LRP1B: variants seen among roughly 807,000 people sequenced by gnomAD.
The protein encoded by LRP1B is LDL receptor related protein 1B.
LRP1B carries 217 observed loss-of-function variants against 556.6 expected under a neutral mutation model. That is an observed-to-expected ratio of 0.39 (90% CI 0.35 to 0.44). LRP1B has a LOEUF of 0.44. LRP1B is among the 20% of genes least tolerant of loss of function. The pLI, the probability that LRP1B is intolerant of heterozygous loss-of-function variation, is 1.00. For missense variants in LRP1B, 5,053 were observed against 5,620.8 expected (o/e 0.90, Z 3.23); for synonymous variants, 2,047 against 1,865.8 (o/e 1.10, Z -2.50).
chr2:141,025,286 A>T (rs1300864772), intron 11 of LRP1B, among the ~76,000 whole-genome samples: 1 of 152,048 alleles, frequency 6.6e-6, no homozygotes, highest in African/African-American at 2.4e-5. Flanking sequence ...ATATGAACAC[A>T]AATAATAATT....
intron 18 of LRP1B, among the ~76,000 whole-genome samples, chr2:140,962,001 T>C (rs932289777): frequency 2.0e-5 from 3 of 152,206 alleles, no homozygotes; most frequent in Non-Finnish European, 4.4e-5. Flanking sequence ...TACTATCTAC[T>C]ATTTTTTGTT....
At chr2:141,365,536 A>G (rs1196123900) in intron 3 of LRP1B, among the ~76,000 whole-genome samples, 2 of 150,802 alleles carry the variant, frequency 1.3e-5, no homozygotes, top group Non-Finnish European at 2.9e-5. Flanking sequence ...ACAGCACATG[A>G]TCAATCTTTA....
At chr2:141,423,562 C>T (rs1680234057) in intron 3 of LRP1B, among the ~76,000 whole-genome samples, 1 of 151,968 alleles carries the variant, frequency 6.6e-6, no homozygotes, top group Admixed American at 6.6e-5. Flanking sequence ...ACCTTAGCTG[C>T]CATAGATGAA....
intron 2 of LRP1B, among the ~76,000 whole-genome samples, chr2:141,755,000 A>G (rs1037064326): frequency 4.0e-5 from 6 of 151,856 alleles, no homozygotes; most frequent in Non-Finnish European, 8.8e-5. Context: ...CTATCCTCTT[A>G]TATATATATA....
chr2:141,856,317 AG>A (rs1698049014), intron 1 of LRP1B, among the ~76,000 whole-genome samples: 2 of 152,176 alleles, frequency 1.3e-5, no homozygotes, highest in Admixed American at 1.3e-4. Context: ...AGCGTTTTAA[AG>A]TATAGCTGGA....
At chr2:140,260,792 T>A (rs6717281) in intron 86 of LRP1B, among the ~76,000 whole-genome samples, 50,271 of 151,686 alleles carry the variant, frequency 0.33, 8,859 homozygotes, top group African/African-American at 0.44. Flanking sequence ...AAATTCCATA[T>A]CCCTCTTTTC....
chr2:141,791,973 T>C (rs908921341), intron 2 of LRP1B, among the ~76,000 whole-genome samples: 1 of 151,952 alleles, frequency 6.6e-6, no homozygotes, highest in African/African-American at 2.4e-5. Flanking sequence ...TTAACTTCGG[T>C]AAGTGCACGT....
At chr2:140,878,449 C>T (rs983827903) in intron 25 of LRP1B, among the ~76,000 whole-genome samples, 4 of 151,704 alleles carry the variant, frequency 2.6e-5, no homozygotes, top group African/African-American at 7.3e-5. Flanking sequence ...GAAAATGGAA[C>T]AAAGGTTAAT....
chr2:141,383,323 T>C (rs1215722031), intron 3 of LRP1B, among the ~76,000 whole-genome samples: 1 of 151,960 alleles, frequency 6.6e-6, no homozygotes, highest in African/African-American at 2.4e-5. Flanking sequence ...AAATAAAAAA[T>C]AAAACTACCA....
intron 1 of LRP1B, among the ~76,000 whole-genome samples, chr2:141,966,239 C>G (rs1372811864): frequency 6.6e-6 from 1 of 151,816 alleles, no homozygotes; most frequent in Admixed American, 6.6e-5. Context: ...AAGAGGGAAA[C>G]TAGAGAGTCG....
Position 140,811,334 on chromosome 2 carries a change from T to C in LRP1B, c.5359+2323A>G, listed in dbSNP as rs1352175395. Reference sequence around the variant, plus strand: ...ATACCTGCTCCATTTTTTGATACTATATTTACAGCATTGAGCTCTGTTAGT... The same window carrying C: ...ATACCTGCTCCATTTTTTGATACTACATTTACAGCATTGAGCTCTGTTAGT... On this transcript the variant is annotated intron_variant, in intron 32 of 90. Transcript: ENST00000389484. Among the ~76,000 whole-genome samples the C allele has an allele frequency of 2.0e-5, 3 of 152,152 alleles. No homozygotes were observed. In the South Asian group the frequency reaches 6.3e-4, roughly 32 times the overall value.
At chr2:140,789,709 C>T (rs1032816930) in intron 32 of LRP1B, among the ~76,000 whole-genome samples, 5 of 138,748 alleles carry the variant, frequency 3.6e-5, no homozygotes, top group Admixed American at 2.3e-4. Flanking sequence ...CGGCTCACTG[C>T]AAGCTCCGCC....
Position 141,771,093 on chromosome 2 carries a change from C to T in LRP1B, c.205+39186G>A, listed in dbSNP as rs183222120. Among the ~76,000 whole-genome samples the T allele has an allele frequency of 2.0e-5, 3 of 152,064 alleles. No individual in the cohort carries two copies. In the East Asian group the frequency reaches 5.8e-4, roughly 29 times the overall value. On this transcript the variant is annotated intron_variant, in intron 2 of 90. Coordinates refer to ENST00000389484, the MANE Select transcript of LRP1B (RefSeq NM_018557.3). ...CAAAAGACCATATATAGTCTTAGTC[C>T]TTTTAATTATCATTTTTTAAACAAT...
chr2:141,562,134 A>T (rs1485167847), intron 2 of LRP1B, among the ~76,000 whole-genome samples: 1 of 151,952 alleles, frequency 6.6e-6, no homozygotes, highest in Admixed American at 6.6e-5. Context: ...AATAATAGGT[A>T]AGTTATATAA....
At chr2:141,539,740 A>G (rs1039425191) in intron 2 of LRP1B, among the ~76,000 whole-genome samples, 2 of 152,238 alleles carry the variant, frequency 1.3e-5, no homozygotes, top group African/African-American at 4.8e-5. Flanking sequence ...AAAAGTAGCC[A>G]TAGATTATAG....
chr2:141,928,127 C>A (rs1438354154), intron 1 of LRP1B, among the ~76,000 whole-genome samples: 2 of 152,142 alleles, frequency 1.3e-5, no homozygotes. Flanking sequence ...AAAATAGCTT[C>A]CATTGCAGCA....
chr2:142,060,881 G>A (rs79700379), intron 1 of LRP1B, among the ~76,000 whole-genome samples: 2,526 of 152,046 alleles, frequency 0.017, 67 homozygotes, highest in African/African-American at 0.058. Flanking sequence ...TGAGAGATAT[G>A]AGGCATGAAA....
intron 79 of LRP1B, 131 bp downstream of exon 79, chr2:140,334,322 A>C: frequency 1.6e-6 from 1 of 615,996 alleles, no homozygotes. Context: ...AAATAACTTC[A>C]TAAAATCATA....
intron 2 of LRP1B, among the ~76,000 whole-genome samples, chr2:141,743,486 C>CTTTTTTT (rs765968445): frequency 2.7e-4 from 29 of 108,022 alleles, no homozygotes; most frequent in Admixed American, 5.2e-4. Flanking sequence ...CTGCTTTTTT[C>CTTTTTTT]TTTTTTTTTT....
Sources: gnomAD v4.1 joint callset for allele counts (sites outside exome capture counted in the v4.1 genomes callset) on GRCh38, gnomAD v4.1.1 for gene constraint, MANE v1.5 for transcripts, NCBI Gene and HGNC (gene_info 2026-07-23, HGNC 2026-07-21) for gene names.